The following CCT4 variants were observed in gnomAD, a reference collection of about 807,000 sequenced individuals.
CCT4 encodes T-complex protein 1 subunit delta.
In CCT4, 17 loss-of-function variants were observed where a neutral mutation model predicts 62.5. The observed-to-expected ratio is 0.27, with a 90% CI of 0.19 to 0.41. The LOEUF (loss-of-function observed/expected upper bound fraction) is 0.41. Ranked by LOEUF, CCT4 falls within the 10% of genes least tolerant of loss-of-function variation. CCT4 has a pLI of 1.00. For missense variants in CCT4, 592 were observed against 659.2 expected (o/e 0.90, Z 1.12); for synonymous variants, 250 against 229.9 (o/e 1.09, Z -0.79).
intron 1 of CCT4, among the ~76,000 whole-genome samples, chr2:61,887,274 C>T (rs956711420): frequency 2.6e-5 from 4 of 152,196 alleles, no homozygotes; most frequent in African/African-American, 9.6e-5. Flanking sequence ...ATCTTAGCGC[C>T]ATCACATTCC....
In CCT4 at chr2:61,878,957, A is replaced by G; in HGVS notation, c.434T>C (p.Ile145Thr). The G allele has an allele frequency of 1.2e-6, 2 of 1,611,400 alleles. 1 individual carries two copies. The highest frequency in any genetic ancestry group is 2.2e-5 in the South Asian group (2 of 90,770). Residue 145 changes from isoleucine to threonine, a missense_variant, in exon 5 of 14, where the codon ATT (isoleucine) becomes ACT (threonine). By Grantham distance (89) the Ile-to-Thr change is moderately conservative. Transcript: ENST00000394440. ...ESFQKALEKGIEILTDMSRPV... is the reference protein window; with the variant it reads ...ESFQKALEKGTEILTDMSRPV... Reference sequence around the variant, plus strand: ...TCGAGACATGTCAGTCAAGATTTCAATGCCCTTTTCCAGGGCCTTCTGGAA... The same window carrying G: ...TCGAGACATGTCAGTCAAGATTTCAGTGCCCTTTTCCAGGGCCTTCTGGAA...
Position 61,888,363 on chromosome 2 carries a change from AGGCCATGAGAGT to A in CCT4, c.127+6_127+17del. 6.2e-7 allele frequency: 1 copy of A among 1,605,876 alleles called. No homozygotes were observed. ...GCACAACCCCGCGGCGCCGCGGGTC[AGGCCATGAGAGT>A]GATACCTTTGGCGGCGGAAATGTTG... On this transcript the variant is annotated splice_donor_region_variant and intron_variant, in intron 1 of 13. Transcript: ENST00000394440.
intron 2 of CCT4, among the ~76,000 whole-genome samples, chr2:61,883,793 C>G (rs1379708482): frequency 1.9e-4 from 28 of 151,338 alleles, no homozygotes; most frequent in East Asian, 3.9e-4. Flanking sequence ...CACACACACA[C>G]ACACACACAC....
chr2:61,873,401 C>G (rs774896460), intron 8 of CCT4, 108 bp from the exon 9 acceptor site: 197 of 605,566 alleles, frequency 3.3e-4, no homozygotes, highest in South Asian at 5.0e-4. Flanking sequence ...ATCATTATTT[C>G]TGAAGAAAAA....
At position 61,868,551 on chromosome 2, in the gene CCT4, C is replaced by A; in HGVS notation, c.*141G>T. On this transcript the variant is annotated 3_prime_UTR_variant, in exon 14 of 14. Coordinates refer to ENST00000394440, the MANE Select transcript of CCT4 (RefSeq NM_006430.4). ...ATATTTTCATTAAATTGTTTCAATA[C>A]AACTTCAGGCAAATGCCAACTGGAA... 1 of 597,328 alleles carries A rather than the reference C, an allele frequency of 1.7e-6. No individual in the cohort carries two copies. The highest frequency in any genetic ancestry group is 3.0e-6 in the Non-Finnish European group (1 of 331,188). The allele number at this position is 597,328 out of a possible 1,614,324, so 37.0% of individuals were successfully genotyped here.
chr2:61,868,818 T>C (rs764518616), intron 13 of CCT4, 112 bp from the exon 14 acceptor site: 4 of 770,380 alleles, frequency 5.2e-6, no homozygotes, highest in Non-Finnish European at 9.2e-6. Context: ...TGCTGTCACC[T>C]TGATGACTAG....
At position 61,885,087 on chromosome 2, in the gene CCT4, G is replaced by A. The variant is rs67059162; in HGVS notation, c.128-15C>T. 924,905 of 1,510,722 alleles carry A rather than the reference G, an allele frequency of 0.61. 285,636 individuals carry two copies. Among genetic ancestry groups the A allele is most frequent in the Middle Eastern group, 0.75 (4,263 of 5,702 alleles). 93.6% of individuals were successfully genotyped at this position (1,510,722 alleles called of 1,614,324 possible). On this transcript the variant is annotated splice_polypyrimidine_tract_variant and intron_variant, in intron 1 of 13. Transcript: ENST00000394440. ...ATCAGCAACCGCTGCAGATGGGGGG[G>A]AAAAAAAAGAAAACAAATTAGAACT...
intron 12 of CCT4, among the ~76,000 whole-genome samples, chr2:61,870,851 G>A (rs935552570): frequency 2.4e-4 from 37 of 152,050 alleles, no homozygotes; most frequent in African/African-American, 8.7e-4. Context: ...CTTGGGAGGA[G>A]GAGGTTGCAG....
intron 1 of CCT4, among the ~76,000 whole-genome samples, chr2:61,885,557 C>T (rs1222804139): frequency 1.3e-5 from 2 of 151,974 alleles, no homozygotes; most frequent in African/African-American, 4.8e-5. Flanking sequence ...ACTACAGGCA[C>T]GTGCCACCAC....
chr2:61,887,524 A>G (rs1363441443), intron 1 of CCT4, among the ~76,000 whole-genome samples: 1 of 152,234 alleles, frequency 6.6e-6, no homozygotes. Flanking sequence ...CCAACCCAAA[A>G]GAACTACTAT....
chr2:61,880,020 G>A (rs535734077), intron 4 of CCT4, among the ~76,000 whole-genome samples: 9 of 152,216 alleles, frequency 5.9e-5, no homozygotes, highest in Non-Finnish European at 1.0e-4. Context: ...GAGCCACCAC[G>A]CCCGGCCTCT....
chr2:61,879,091 A>T (rs532581902), intron 4 of CCT4, 80 bp from the exon 5 acceptor site: 1 of 1,015,382 alleles, frequency 9.8e-7, no homozygotes, highest in Non-Finnish European at 1.5e-6. Flanking sequence ...TTTCTACTCA[A>T]TGTCAAAGCA....
At chr2:61,874,211 G>A (rs1211069498) in intron 8 of CCT4, among the ~76,000 whole-genome samples, 1 of 152,162 alleles carries the variant, frequency 6.6e-6, no homozygotes, top group Non-Finnish European at 1.5e-5. Context: ...AAGGTCAGTA[G>A]CTATTATATG....
At chr2:61,871,404 C>T (rs940440677) in intron 12 of CCT4, among the ~76,000 whole-genome samples, 9 of 150,096 alleles carry the variant, frequency 6.0e-5, no homozygotes, top group Non-Finnish European at 1.0e-4. Context: ...TATATAATCC[C>T]AGCTCTACAC....
chr2:61,887,036 G>T (rs1669269400), intron 1 of CCT4, among the ~76,000 whole-genome samples: 1 of 152,130 alleles, frequency 6.6e-6, no homozygotes, highest in African/African-American at 2.4e-5. Flanking sequence ...TGGGATTACA[G>T]ACGTGAGCCA....
chr2:61,877,038 T>G lies in CCT4; in HGVS notation c.659A>C (p.Asp220Ala). 6.2e-7 allele frequency: 1 copy of G among 1,613,500 alleles called. No homozygotes were observed. The highest frequency in any genetic ancestry group is 8.5e-7 in the Non-Finnish European group (1 of 1,179,658). Residue 220 changes from aspartate to alanine, a missense_variant, in exon 7 of 14, where the codon GAC becomes GCC. Asp to Ala is a moderately radical substitution (Grantham distance 126). Coordinates refer to ENST00000394440, the MANE Select transcript of CCT4 (RefSeq NM_006430.4). ...IVKKLGGTID[D>A]CELVEGLVLT... is the part of the protein sequence containing the mutation. ...AACCAGCCCTTCCACCAACTCACAG[T>G]CATCAATTGTCCCACTAAGGATAAA... is the stretch of plus-strand genomic sequence containing the variant.
Position 61,888,637 on chromosome 2 carries a change from A to G in CCT4, c.-130T>C. ...TCCAGAAAGCGGCGCCGGCGTCGGG[A>G]GGAGGCGGAGGCGGAGAAGGGGGCC... On this transcript the variant is annotated 5_prime_UTR_variant, in exon 1 of 14. Coordinates refer to ENST00000394440, the MANE Select transcript of CCT4 (RefSeq NM_006430.4). 8.8e-7 allele frequency: 1 copy of G among 1,130,882 alleles called. No homozygotes were observed. Among genetic ancestry groups the G allele is most frequent in the Non-Finnish European group, 1.2e-6 (1 of 825,280 alleles). 70.1% of individuals were successfully genotyped at this position (1,130,882 alleles called of 1,614,324 possible).
chr2:61,868,345 G>C lies in CCT4; in HGVS notation c.*347C>G, dbSNP rs938904622. 1 of 239,256 alleles carries C rather than the reference G, an allele frequency of 4.2e-6. No homozygotes were observed. The highest frequency in any genetic ancestry group is 2.2e-5 in the African/African-American group (1 of 44,522). 14.8% of individuals were successfully genotyped at this position (239,256 alleles called of 1,614,324 possible). On this transcript the variant is annotated 3_prime_UTR_variant, in exon 14 of 14. Transcript: ENST00000394440. ...TTTTAAGACAGCATATATATTATAT[G>C]TTGGTAGTTTTTAAGGCCAGGGAGC...
chr2:61,872,339 T>C (rs1668901496), intron 11 of CCT4, 23 bp from the exon 12 acceptor site: 3 of 1,523,860 alleles, frequency 2.0e-6, no homozygotes, highest in South Asian at 2.5e-5. Flanking sequence ...AATATATTTT[T>C]AGCTTATTTT....
Sources: gnomAD v4.1 joint callset for allele counts (sites outside exome capture counted in the v4.1 genomes callset) on GRCh38, gnomAD v4.1.1 for gene constraint, MANE v1.5 for transcripts, NCBI Gene and HGNC (gene_info 2026-07-23, HGNC 2026-07-21) for gene names.